The following ADCY4 variants were observed in gnomAD, a reference collection of about 807,000 sequenced individuals.
ADCY4 encodes the protein adenylate cyclase type 4.
A neutral mutation model predicts 125.5 loss-of-function variants in ADCY4; 111 were observed. That is an observed-to-expected ratio of 0.88 (90% CI 0.76 to 1.04). The LOEUF (loss-of-function observed/expected upper bound fraction) is 1.04, where lower values mean the gene tolerates loss of function less well. ADCY4 is among the 50% of genes least tolerant of loss of function. ADCY4 has a pLI of 0.00. For synonymous variants in ADCY4, 576 were observed against 586.9 expected (o/e 0.98, Z 0.27); for missense variants, 1,256 against 1,382.9 (o/e 0.91, Z 1.46).
At chr14:24,326,469 T>C (rs556674703) in intron 10 of ADCY4, 127 bp from the exon 11 acceptor site, 2 of 1,121,096 alleles carry the variant, frequency 1.8e-6, no homozygotes, top group African/African-American at 3.1e-5. Context: ...CTCTTTCTTT[T>C]GCCTCTAATG....
rs756925041 is a variant in ADCY4 at position 24,329,403 on chromosome 14, G to A, written c.1348C>T (p.Arg450Trp). 1.9e-5 allele frequency: 29 copies of A among 1,551,392 alleles called. No homozygotes were observed. Among genetic ancestry groups the A allele is most frequent in the East Asian group, 6.7e-5 (3 of 44,524 alleles). ...TGGGGTCTGGGCTGGGCTTTTACCC[G>A]TGGATCGATGACCAGATAGGTAGGC... Reference protein sequence around the residue: ...GEPTYLVIDPRAEEEDEKGTA... With the variant: ...GEPTYLVIDPWAEEEDEKGTA... The change falls in exon 9 of 25, where the codon CGG becomes TGG. Residue 450 changes from arginine to tryptophan, a missense_variant and splice_region_variant. Arg to Trp is a moderately radical substitution (Grantham distance 101). Coordinates refer to ENST00000418030, the MANE Select transcript of ADCY4 (RefSeq NM_001198568.2).
rs1442368046 is a variant in ADCY4, at chr14:24,334,493, C to T, written c.159+1G>A. The T allele has an allele frequency of 6.3e-7, 1 of 1,577,618 alleles. No individual in the cohort carries two copies. The highest frequency in any genetic ancestry group is 1.1e-5 in the South Asian group (1 of 87,324). On this transcript the variant is annotated splice_donor_variant, in intron 1 of 24. Coordinates refer to ENST00000418030, the MANE Select transcript of ADCY4 (RefSeq NM_001198568.2). LOFTEE classifies it high-confidence loss of function. ...CCTCCCGCAGCAGAGGCTCGGCTCA[C>T]CCTGCCGCTGGCCCAGGCCACTGCG...
intron 16 of ADCY4, chr14:24,323,710 C>G: frequency 4.4e-6 from 6 of 1,348,764 alleles, no homozygotes; most frequent in Non-Finnish European, 5.8e-6. Context: ...CCTCTCTGGG[C>G]CTTAGTTTCT....
chr14:24,322,562 A>G (rs2041868967), intron 19 of ADCY4, 62 bp downstream of exon 19: 4 of 1,546,296 alleles, frequency 2.6e-6, no homozygotes, highest in Non-Finnish European at 3.6e-6. Flanking sequence ...TAGAAAGATC[A>G]AGTCACAGAT....
At chr14:24,328,903 CCAGTG>C in intron 10 of ADCY4, 153 bp downstream of exon 10, 2 of 928,812 alleles carry the variant, frequency 2.2e-6, no homozygotes, top group Non-Finnish European at 3.2e-6. Context: ...AGGGCCTGAA[CCAGTG>C]ACTGGGGTGA....
rs756866256 is a variant in ADCY4 at position 24,322,243 on chromosome 14, G to T, written c.2428-19C>A. 2 of 1,603,148 alleles carry T rather than the reference G, an allele frequency of 1.2e-6. No homozygotes were observed. The highest frequency in any genetic ancestry group is 1.7e-6 in the Non-Finnish European group (2 of 1,172,828). ...ACTCATTCTGGGGAGGGTCACCCGGGGCCATGGGGAGACACAGAGCAGGGG... is the reference window on the plus strand; with the variant it reads ...ACTCATTCTGGGGAGGGTCACCCGGTGCCATGGGGAGACACAGAGCAGGGG... On this transcript the variant is annotated intron_variant, in intron 19 of 24. Transcript: ENST00000418030.
chr14:24,326,406 T>C (rs1019521242), intron 10 of ADCY4, 64 bp from the exon 11 acceptor site: 4 of 1,573,318 alleles, frequency 2.5e-6, no homozygotes, highest in Admixed American at 1.7e-5. Context: ...AGGTAGACCA[T>C]GAGCCACACT....
chr14:24,334,658 C>G lies in ADCY4; in HGVS notation c.-6G>C. 6.5e-7 allele frequency: 1 copy of G among 1,537,388 alleles called. No homozygotes were observed. The highest frequency in any genetic ancestry group is 8.7e-7 in the Non-Finnish European group (1 of 1,144,212). The stretch of plus-strand genomic sequence containing the variant: ...GGGCTGAAGAGGCGGGCCATGATCT[C>G]CCCAGCCCCGAGCCCCGGGGCTGGC... On this transcript the variant is annotated 5_prime_UTR_variant, in exon 1 of 25. Coordinates refer to ENST00000418030, the MANE Select transcript of ADCY4 (RefSeq NM_001198568.2).
chr14:24,319,579 G>T lies in ADCY4; in HGVS notation c.2734-143C>A. On this transcript the variant is annotated intron_variant, in intron 21 of 24. Transcript: ENST00000418030. The surrounding 1 kb of genome is among the most constrained non-coding windows in gnomAD (Gnocchi z 4.5). ...TCAGGAAGGAGAGGGTTGGTGGTGG[G>T]CAGTGTTGCTGGAGTGGGTAGATCT... The T allele has an allele frequency of 8.3e-7, 1 of 1,199,134 alleles. No homozygotes were observed. The highest frequency in any genetic ancestry group is 1.2e-6 in the Non-Finnish European group (1 of 830,882). The allele number at this position is 1,199,134 out of a possible 1,614,324, so 74.3% of individuals were successfully genotyped here. A position where few individuals can be genotyped will look rare whatever the true frequency, so the allele number is the denominator to read the frequency against.
chr14:24,329,384 C>T lies in ADCY4; in HGVS notation c.1350+17G>A, dbSNP rs775415039. On this transcript the variant is annotated intron_variant, in intron 9 of 24. Transcript: ENST00000418030. ...GTTTGTGTAGGCCAGCCCATGGGGT[C>T]TGGGCTGGGCTTTTACCCGTGGATC... 2.6e-6 allele frequency: 4 copies of T among 1,545,478 alleles called. No homozygotes were observed. Among genetic ancestry groups the T allele is most frequent in the Non-Finnish European group, 3.5e-6 (4 of 1,148,282 alleles).
At chr14:24,323,752 A>T in intron 16 of ADCY4, 1 of 733,184 alleles carries the variant, frequency 1.4e-6, no homozygotes, top group Non-Finnish European at 1.7e-6. Context: ...GGTGATTCCC[A>T]GGTGCCCACC....
chr14:24,321,904 G>T lies in ADCY4; in HGVS notation c.2586+162C>A, dbSNP rs1018592353. 5.1e-6 allele frequency: 7 copies of T among 1,373,172 alleles called. No homozygotes were observed. In the African/African-American group the frequency reaches 1.0e-4, roughly 20 times the overall value. The allele number at this position is 1,373,172 out of a possible 1,614,324, so 85.1% of individuals were successfully genotyped here. ...GAAATGCAGTTTTGTGCTCACCAAA[G>T]AAAGAATCTAAGATGTTGTGAAAAC... On this transcript the variant is annotated intron_variant, in intron 20 of 24. Transcript: ENST00000418030.
chr14:24,334,508 A>G lies in ADCY4; in HGVS notation c.145T>C (p.Trp49Arg). 1 of 1,581,082 alleles carries G rather than the reference A, an allele frequency of 6.3e-7. No individual in the cohort carries two copies. The highest frequency in any genetic ancestry group is 8.5e-7 in the Non-Finnish European group (1 of 1,169,646). Residue 49 changes from tryptophan (W) to arginine (R), a missense_variant, in exon 1 of 25, where the codon TGG becomes CGG. By Grantham distance (101) the Trp-to-Arg change is moderately radical. Transcript: ENST00000418030. ...GCTCGGCTCACCCTGCCGCTGGCCCAGGCCACTGCGAGCAGCGCCGCGAGC... is the reference window on the plus strand; with the variant it reads ...GCTCGGCTCACCCTGCCGCTGGCCCGGGCCACTGCGAGCAGCGCCGCGAGC... ...CALAALLAVA[W>R]ASGRELTSDP...
rs1306433279 is a variant in ADCY4 at position 24,323,107 on chromosome 14, G to A, written c.2158-19C>T. 9 of 1,612,568 alleles carry A rather than the reference G, an allele frequency of 5.6e-6. No individual in the cohort carries two copies. Among genetic ancestry groups the A allele is most frequent in the Non-Finnish European group, 7.6e-6 (9 of 1,179,064 alleles). Reference sequence around the variant, plus strand: ...TGGAGTACTGTGGGGCCAGGCAGGGGTCAGGAGTGGGCATGTCCCATAGGC... The same window carrying A: ...TGGAGTACTGTGGGGCCAGGCAGGGATCAGGAGTGGGCATGTCCCATAGGC... On this transcript the variant is annotated intron_variant, in intron 17 of 24. Transcript: ENST00000418030.
chr14:24,328,104 G>A (rs1223091765), intron 10 of ADCY4, among the ~76,000 whole-genome samples: 9 of 152,146 alleles, frequency 5.9e-5, no homozygotes, highest in Non-Finnish European at 1.0e-4. Context: ...GGCCACCAGA[G>A]GGCTCCTTGG....
At chr14:24,320,593 T>G (rs949265014) in intron 20 of ADCY4, among the ~76,000 whole-genome samples, 7 of 152,160 alleles carry the variant, frequency 4.6e-5, no homozygotes, top group African/African-American at 1.7e-4. Flanking sequence ...TCCCTCAATA[T>G]GAGCCAAGAG....
intron 10 of ADCY4, chr14:24,326,569 CTTTGTG>C (rs2041948228): frequency 3.9e-6 from 2 of 511,906 alleles, no homozygotes; most frequent in East Asian, 3.3e-5. Flanking sequence ...CTCCCAGGAT[CTTTGTG>C]TGTGTGTGTG....
At chr14:24,325,318 T>G in intron 14 of ADCY4, 59 bp downstream of exon 14, 1 of 1,461,040 alleles carries the variant, frequency 6.8e-7, no homozygotes, top group East Asian at 2.3e-5. Context: ...CCCGGGGTCA[T>G]GAGGGCAAGG....
At chr14:24,320,638 A>T (rs146602231) in intron 20 of ADCY4, among the ~76,000 whole-genome samples, 2 of 152,304 alleles carry the variant, frequency 1.3e-5, no homozygotes, top group South Asian at 2.1e-4. Context: ...GATGATACAA[A>T]TAAGATGGTA....
Sources: gnomAD v4.1 joint callset for allele counts (sites outside exome capture counted in the v4.1 genomes callset) on GRCh38, gnomAD v4.1.1 for gene constraint, Gnocchi (gnomAD v3.1) non-coding constraint, MANE v1.5 for transcripts, NCBI Gene and HGNC (gene_info 2026-07-23, HGNC 2026-07-21) for gene names.